Variants in ERBB4 observed in about 807,000 individuals in gnomAD.
ERBB4 encodes the protein receptor tyrosine-protein kinase erbB-4.
ERBB4 carries 42 observed loss-of-function variants against 158.0 expected under a neutral mutation model. The observed-to-expected ratio is 0.27, with a 90% CI of 0.21 to 0.34. ERBB4 has a LOEUF of 0.34. Among genes scored for constraint, ERBB4 ranks in the 10% least tolerant of loss-of-function variants. The pLI, the probability that ERBB4 is intolerant of heterozygous loss-of-function variation, is 1.00. For synonymous variants in ERBB4, 583 were observed against 558.7 expected (o/e 1.04, Z -0.61); for missense variants, 1,333 against 1,624.1 (o/e 0.82, Z 3.08).
chr2:212,101,331 AACAC>A (rs1024259600), intron 2 of ERBB4, among the ~76,000 whole-genome samples: 2 of 149,584 alleles, frequency 1.3e-5, no homozygotes, highest in African/African-American at 4.9e-5. Flanking sequence ...TCAAAATACA[AACAC>A]ACACACACCC....
At chr2:212,290,289 C>T (rs552514182) in intron 1 of ERBB4, among the ~76,000 whole-genome samples, 12 of 152,218 alleles carry the variant, frequency 7.9e-5, no homozygotes, top group African/African-American at 2.9e-4. Flanking sequence ...TAAGTCTGAC[C>T]AGTATCGTTC....
chr2:211,929,253 G>A (rs1483379967), intron 3 of ERBB4, among the ~76,000 whole-genome samples: 1 of 150,520 alleles, frequency 6.6e-6, no homozygotes, highest in East Asian at 1.9e-4. Context: ...GTGTGTGTGT[G>A]TGTGTGTGTG....
At chr2:212,451,160 C>T (rs1041409802) in intron 1 of ERBB4, among the ~76,000 whole-genome samples, 10 of 151,722 alleles carry the variant, frequency 6.6e-5, no homozygotes, top group African/African-American at 7.3e-5. Flanking sequence ...GGGAGAAGGC[C>T]GTGAAAATAA....
At chr2:211,773,940 C>T (rs2075806593) in intron 4 of ERBB4, among the ~76,000 whole-genome samples, 1 of 151,816 alleles carries the variant, frequency 6.6e-6, no homozygotes, top group Admixed American at 6.6e-5. Flanking sequence ...TCGATATGGA[C>T]TCTAGAACAG....
At chr2:212,233,188 G>A (rs10168303) in intron 1 of ERBB4, among the ~76,000 whole-genome samples, 76,035 of 151,470 alleles carry the variant, frequency 0.5, 19,460 homozygotes, top group East Asian at 0.76. Context: ...CTTTACACCT[G>A]TAGAATGTAC....
chr2:211,801,296 C>T (rs1208088857), intron 3 of ERBB4, among the ~76,000 whole-genome samples: 1 of 152,118 alleles, frequency 6.6e-6, no homozygotes, highest in African/African-American at 2.4e-5. Context: ...AGCCTTATCA[C>T]AGTATCTTTT....
intron 19 of ERBB4, among the ~76,000 whole-genome samples, chr2:211,565,072 A>G (rs1055459856): frequency 1.3e-5 from 2 of 152,192 alleles, no homozygotes; most frequent in Non-Finnish European, 1.5e-5. Flanking sequence ...AGATTGCTCA[A>G]TAGGTACAAT....
chr2:211,621,120 T>C (rs2069584812), intron 18 of ERBB4, among the ~76,000 whole-genome samples: 1 of 151,970 alleles, frequency 6.6e-6, no homozygotes, highest in African/African-American at 2.4e-5. Flanking sequence ...GTCTCAAGAA[T>C]AAATACATAA....
chr2:212,500,281 G>A lies in ERBB4; in HGVS notation c.82+38168C>T, dbSNP rs551327978. On this transcript the variant is annotated intron_variant, in intron 1 of 27. Transcript: ENST00000342788. Reference sequence around the variant, plus strand: ...TACACAGTTGAGCTCTCCTTCCTTCGGGCTAGTTACCTAGCTGTCCTAATC... The same window carrying A: ...TACACAGTTGAGCTCTCCTTCCTTCAGGCTAGTTACCTAGCTGTCCTAATC... Among the ~76,000 whole-genome samples the A allele has an allele frequency of 4.1e-4, 63 of 151,826 alleles. 1 individual carries two copies. The South Asian group carries it at 0.011, about 26-fold the overall frequency.
intron 25 of ERBB4, among the ~76,000 whole-genome samples, chr2:211,407,751 G>A (rs958664859): frequency 6.6e-6 from 1 of 152,150 alleles, no homozygotes; most frequent in Non-Finnish European, 1.5e-5. Flanking sequence ...TTTAGAACAC[G>A]CTGCTATGTC....
chr2:211,955,246 G>T (rs2125159267), intron 2 of ERBB4, among the ~76,000 whole-genome samples: 1 of 152,120 alleles, frequency 6.6e-6, no homozygotes, highest in South Asian at 2.1e-4. Flanking sequence ...CTAAGAATCT[G>T]CAGGCCATTT....
intron 3 of ERBB4, among the ~76,000 whole-genome samples, chr2:211,898,282 T>A (rs772629412): frequency 6.6e-6 from 1 of 152,176 alleles, no homozygotes; most frequent in Non-Finnish European, 1.5e-5. Context: ...GATAGTTTAA[T>A]CATTTTGATA....
chr2:212,164,656 C>T (rs964136133), intron 1 of ERBB4, among the ~76,000 whole-genome samples: 1 of 151,536 alleles, frequency 6.6e-6, no homozygotes, highest in Non-Finnish European at 1.5e-5. Flanking sequence ...TCAGATAGGT[C>T]TGATGCAATT....
At chr2:211,772,834 T>TAC (rs1553629886) in intron 4 of ERBB4, among the ~76,000 whole-genome samples, 24 of 10,336 alleles carry the variant, frequency 2.3e-3, no homozygotes, top group African/African-American at 6.5e-3. Context: ...TATATATATA[T>TAC]ACACATATAT....
At chr2:211,957,908 C>T (rs994665430) in intron 2 of ERBB4, among the ~76,000 whole-genome samples, 21 of 152,072 alleles carry the variant, frequency 1.4e-4, no homozygotes, top group African/African-American at 4.1e-4. Context: ...CAAAATTTAA[C>T]GAAAGAAAAT....
chr2:212,261,506 C>T (rs1345613195), intron 1 of ERBB4, among the ~76,000 whole-genome samples: 1 of 151,792 alleles, frequency 6.6e-6, no homozygotes, highest in Non-Finnish European at 1.5e-5. Context: ...AGAACAAATC[C>T]CAAAATAGAA....
intron 20 of ERBB4, among the ~76,000 whole-genome samples, chr2:211,524,432 G>T (rs547535017): frequency 0.086 from 12,847 of 149,688 alleles, 1,122 homozygotes; most frequent in African/African-American, 0.17. Flanking sequence ...GCAGGGGGTG[G>T]TGCTCGTCGG....
chr2:211,920,167 C>T (rs530272191), intron 3 of ERBB4, among the ~76,000 whole-genome samples: 2 of 152,070 alleles, frequency 1.3e-5, no homozygotes, highest in East Asian at 3.9e-4. Flanking sequence ...GGTCACCTTA[C>T]AGGCAAGTAA....
Position 211,711,742 on chromosome 2 carries a change from T to C in ERBB4, c.1124+308A>G, listed in dbSNP as rs376000237. 4.6e-5 allele frequency among the ~76,000 whole-genome samples: 7 copies of C among 152,268 alleles called. No homozygotes were observed. The East Asian group carries it at 1.4e-3, about 29-fold the overall frequency. ...CCTCAACCAATGATACTTTTTTCCC[T>C]AAACATATCTAAAAATAAGTCAAGC... is the stretch of plus-strand genomic sequence containing the variant. On this transcript the variant is annotated intron_variant, in intron 9 of 27. Transcript: ENST00000342788.
Sources: gnomAD v4.1 joint callset for allele counts (sites outside exome capture counted in the v4.1 genomes callset) on GRCh38, gnomAD v4.1.1 for gene constraint, MANE v1.5 for transcripts, NCBI Gene and HGNC (gene_info 2026-07-23, HGNC 2026-07-21) for gene names.